DLGAP2: variants seen among roughly 807,000 people sequenced by gnomAD.
DLGAP2 encodes disks large-associated protein 2.
Under a neutral mutation model 100.3 loss-of-function variants are expected in DLGAP2, and 26 were observed. The ratio of observed to expected loss-of-function variants is 0.26; its 90% CI spans 0.19 to 0.36. The LOEUF (loss-of-function observed/expected upper bound fraction) is 0.36, where lower values mean the gene tolerates loss of function less well. Among genes scored for constraint, DLGAP2 ranks in the 10% least tolerant of loss-of-function variants. The pLI is 1.00. For missense variants in DLGAP2, 1,858 were observed against 1,453.2 expected, an observed-to-expected ratio of 1.28 and a Z score of -4.53; for synonymous variants, 886 against 630.1, an observed-to-expected ratio of 1.41 and a Z score of -6.08.
intron 2 of DLGAP2, among the ~76,000 whole-genome samples, chr8:1,022,847 C>G (rs992022547): frequency 2.0e-5 from 3 of 152,220 alleles, no homozygotes; most frequent in African/African-American, 7.2e-5. Flanking sequence ...GAGGTAGACA[C>G]TCCTTCCTTG....
intron 4 of DLGAP2, among the ~76,000 whole-genome samples, chr8:1,510,342 C>T (rs1327779244): frequency 6.6e-6 from 1 of 152,184 alleles, no homozygotes; most frequent in Admixed American, 6.5e-5. Context: ...TTGCCAGCCT[C>T]GTTGCCCCAG....
intron 4 of DLGAP2, among the ~76,000 whole-genome samples, chr8:1,537,784 A>AGGAAGGAAGGAC (rs1386875952): frequency 3.7e-4 from 52 of 141,084 alleles, no homozygotes; most frequent in African/African-American, 1.2e-3. Flanking sequence ...GAAGGAAGGA[A>AGGAAGGAAGGAC]GGACAAATGG....
At chr8:775,754 GTA>G (rs1486035230) in intron 1 of DLGAP2, among the ~76,000 whole-genome samples, 1 of 139,306 alleles carries the variant, frequency 7.2e-6, no homozygotes. Context: ...CGTTTTGCCA[GTA>G]TTTTATTGAG....
chr8:759,940 C>G (rs1168260680), intron 1 of DLGAP2, among the ~76,000 whole-genome samples: 1 of 152,234 alleles, frequency 6.6e-6, no homozygotes, highest in Non-Finnish European at 1.5e-5. Flanking sequence ...TCCACGCTTA[C>G]TTCTCATTTC....
intron 6 of DLGAP2, among the ~76,000 whole-genome samples, chr8:1,620,938 C>G (rs908105878): frequency 6.6e-6 from 1 of 152,216 alleles, no homozygotes; most frequent in Non-Finnish European, 1.5e-5. Context: ...TGCCTTTCCC[C>G]CTTTACCCTC....
At chr8:1,517,138 A>AC (rs1213800755) in intron 4 of DLGAP2, among the ~76,000 whole-genome samples, 1 of 151,744 alleles carries the variant, frequency 6.6e-6, no homozygotes. Context: ...TGAGCTGGGG[A>AC]CCCCCATGGC....
chr8:1,299,332 C>T (rs112778012), intron 3 of DLGAP2, among the ~76,000 whole-genome samples: 6 of 152,320 alleles, frequency 3.9e-5, no homozygotes, highest in African/African-American at 1.4e-4. Flanking sequence ...CCAGTGGTGT[C>T]TCCACCATAC....
At chr8:1,036,898 T>A (rs1802141675) in intron 2 of DLGAP2, among the ~76,000 whole-genome samples, 1 of 152,178 alleles carries the variant, frequency 6.6e-6, no homozygotes, top group African/African-American at 2.4e-5. Flanking sequence ...CTGCTTTTTT[T>A]AGGATACCAG....
chr8:1,583,361 C>T (rs933421137), intron 6 of DLGAP2, among the ~76,000 whole-genome samples: 1 of 152,104 alleles, frequency 6.6e-6, no homozygotes, highest in South Asian at 2.1e-4. Context: ...GGCCCATGAG[C>T]CTGCCCTGGG....
intron 3 of DLGAP2, among the ~76,000 whole-genome samples, chr8:1,462,866 T>C (rs1231300977): frequency 6.6e-6 from 1 of 152,206 alleles, no homozygotes; most frequent in Non-Finnish European, 1.5e-5. Context: ...TCTGAAACGA[T>C]TAGTTCAAGA....
intron 3 of DLGAP2, chr8:1,299,890 T>G (rs963101759): frequency 6.6e-6 from 1 of 152,190 alleles, no homozygotes; most frequent in African/African-American, 2.4e-5. Context: ...CACCATAGAC[T>G]AAGCGGCTTA....
chr8:1,662,643 A>G (rs973409419), intron 8 of DLGAP2, among the ~76,000 whole-genome samples: 8 of 152,288 alleles, frequency 5.3e-5, no homozygotes, highest in African/African-American at 1.9e-4. Context: ...GTTTAAGCCC[A>G]TTCAGACTTC....
intron 3 of DLGAP2, among the ~76,000 whole-genome samples, chr8:1,296,451 G>A (rs1800177534): frequency 6.6e-6 from 1 of 152,178 alleles, no homozygotes; most frequent in African/African-American, 2.4e-5. Context: ...GTTATCATTG[G>A]AGATTTCTTA....
chr8:1,667,800 G>A (rs1183646668), intron 8 of DLGAP2, among the ~76,000 whole-genome samples: 3 of 152,168 alleles, frequency 2.0e-5, no homozygotes, highest in African/African-American at 4.8e-5. Context: ...CATGACCTGC[G>A]TAGAAATGAC....
chr8:1,433,808 GA>G (rs1409180818), intron 3 of DLGAP2, among the ~76,000 whole-genome samples: 6 of 142,556 alleles, frequency 4.2e-5, no homozygotes, highest in African/African-American at 7.7e-5. Context: ...ATATTTGTAG[GA>G]ATCCAAATTT....
At chr8:1,329,999 G>A (rs1016788301) in intron 3 of DLGAP2, among the ~76,000 whole-genome samples, 4 of 152,234 alleles carry the variant, frequency 2.6e-5, no homozygotes, top group African/African-American at 9.6e-5. Context: ...GACTGAGTGA[G>A]CTGCGGACCC....
chr8:1,093,223 C>A (rs1379190652), intron 2 of DLGAP2, among the ~76,000 whole-genome samples: 1 of 152,064 alleles, frequency 6.6e-6, no homozygotes, highest in African/African-American at 2.4e-5. Flanking sequence ...ACCTTCACAC[C>A]AACAGCCAGA....
At chr8:1,142,736 T>TCAGGA (rs907094776) in intron 2 of DLGAP2, among the ~76,000 whole-genome samples, 1 of 151,562 alleles carries the variant, frequency 6.6e-6, no homozygotes, top group African/African-American at 2.4e-5. Flanking sequence ...ATTATTGGAG[T>TCAGGA]CAGGACAGTT....
chr8:1,191,760 T>G (rs1797644852), intron 2 of DLGAP2, among the ~76,000 whole-genome samples: 2 of 152,228 alleles, frequency 1.3e-5, no homozygotes, highest in African/African-American at 2.4e-5. Flanking sequence ...TGTATTTTCC[T>G]TCTTCCAGGG....
Sources: gnomAD v4.1 joint callset for allele counts (sites outside exome capture counted in the v4.1 genomes callset) on GRCh38, gnomAD v4.1.1 for gene constraint, MANE v1.5 for transcripts, NCBI Gene and HGNC (gene_info 2026-07-23, HGNC 2026-07-21) for gene names.